UNC5CL: variants seen among roughly 807,000 people sequenced by gnomAD.
UNC5CL encodes the protein unc-5 family C-terminal like.
A neutral mutation model predicts 54.1 loss-of-function variants in UNC5CL; 42 were observed. The ratio of observed to expected loss-of-function variants is 0.78; its 90% CI spans 0.61 to 1.00. The LOEUF (loss-of-function observed/expected upper bound fraction) is 1.00, where lower values mean the gene tolerates loss of function less well. Ranked by LOEUF, UNC5CL falls within the 50% of genes least tolerant of loss-of-function variation. UNC5CL has a pLI of 0.00. For synonymous variants in UNC5CL, 285 were observed against 285.1 expected (o/e 1.00, Z 0.00); for missense variants, 619 against 675.6 (o/e 0.92, Z 0.93).
intron 2 of UNC5CL, 53 bp from the exon 3 acceptor site, chr6:41,034,234 C>T: frequency 6.5e-7 from 1 of 1,539,580 alleles, no homozygotes; most frequent in Non-Finnish European, 8.7e-7. Flanking sequence ...CACACCCCTG[C>T]CCCTGAAAGA....
rs768322013 is a variant in UNC5CL at position 41,034,733 on chromosome 6, G to C, written c.342C>G (p.Cys114Trp). 6.2e-7 allele frequency: 1 copy of C among 1,607,980 alleles called. No individual in the cohort carries two copies. The change falls in exon 2 of 9, where the codon TGC becomes TGG. Residue 114 changes from cysteine (C) to tryptophan (W), a missense_variant. By Grantham distance (215) the Cys-to-Trp change is radical. Transcript: ENST00000244565. The stretch of plus-strand genomic sequence containing the variant: ...AGATGCCTGTATCCTGGAGCATCAG[G>C]CAACCGCCGCGGTGATCCACCTCTC... ...SAREVDHRGG[C>W]LMLQDTGISL...
rs1762409911 is a variant in UNC5CL, at chr6:41,028,206, C to G, written c.*167G>C. The G allele has an allele frequency of 4.1e-6, 3 of 727,762 alleles. No individual in the cohort carries two copies. Among genetic ancestry groups the G allele is most frequent in the Non-Finnish European group, 6.5e-6 (3 of 465,034 alleles). The allele number at this position is 727,762 out of a possible 1,614,324, so 45.1% of individuals were successfully genotyped here. A position where few individuals can be genotyped will look rare whatever the true frequency, so the allele number is the denominator to read the frequency against. On this transcript the variant is annotated 3_prime_UTR_variant, in exon 9 of 9. Transcript: ENST00000244565. This position sits in a 1 kb window ranked among gnomAD's most constrained non-coding sequence, Gnocchi z 4.3. ...GCGGGACAGCTCGCGGCCGGAAGGG[C>G]GCGCCTGCTGCTGGGAGGCTGGCGA...
At position 41,030,642 on chromosome 6, in the gene UNC5CL, A is replaced by AC; in HGVS notation, c.1220+12dup. 1.2e-6 allele frequency: 2 copies of AC among 1,613,694 alleles called. No individual in the cohort carries two copies. The highest frequency in any genetic ancestry group is 1.1e-5 in the South Asian group (1 of 91,066). On this transcript the variant is annotated intron_variant, in intron 7 of 8. Transcript: ENST00000244565. The stretch of plus-strand genomic sequence containing the variant: ...CATCCCCCAGGCAGCAGCCCAAGCA[A>AC]CCCCCGTCTCACCTATTGCATGGGG...
chr6:41,035,946 C>G (rs1279974532), intron 1 of UNC5CL, among the ~76,000 whole-genome samples: 1 of 151,914 alleles, frequency 6.6e-6, no homozygotes, highest in East Asian at 1.9e-4. Context: ...AGTGCTGATA[C>G]AAAAAAATCT....
At chr6:41,030,310 C>T in intron 8 of UNC5CL, 78 bp downstream of exon 8, 3 of 1,365,486 alleles carry the variant, frequency 2.2e-6, no homozygotes, top group Non-Finnish European at 3.1e-6. Context: ...GCCTGTGATC[C>T]AGTCTCCAGA....
At chr6:41,032,806 T>C (rs1405447863) in intron 4 of UNC5CL, 78 bp downstream of exon 4, 10 of 1,455,118 alleles carry the variant, frequency 6.9e-6, no homozygotes, top group Non-Finnish European at 9.1e-6. Flanking sequence ...GATCTCCAGA[T>C]GTCCAGGGGA....
At chr6:41,036,749 CAA>C (rs112162551) in intron 1 of UNC5CL, among the ~76,000 whole-genome samples, 46 of 92,616 alleles carry the variant, frequency 5.0e-4, no homozygotes, top group Non-Finnish European at 4.7e-4. Context: ...AAAGTGGAAG[CAA>C]AAAAAAAAAA....
At chr6:41,035,986 T>G (rs571176335) in intron 1 of UNC5CL, among the ~76,000 whole-genome samples, 1 of 152,280 alleles carries the variant, frequency 6.6e-6, no homozygotes, top group South Asian at 2.1e-4. Flanking sequence ...CGCAGAGAGA[T>G]AAAATATTCT....
chr6:41,034,785 A>G lies in UNC5CL; in HGVS notation c.290T>C (p.Met97Thr). 1 of 1,614,178 alleles carries G rather than the reference A, an allele frequency of 6.2e-7. No homozygotes were observed. The highest frequency in any genetic ancestry group is 8.5e-7 in the Non-Finnish European group (1 of 1,180,036). ...AGCCGAAAACACCAACAGTTTGTGC[A>G]TCAACTGGCGGACCATGGTCTGGCC... ...TQGQTMVRQL[M>T]HKLLVFSARE... Residue 97 changes from methionine to threonine, a missense_variant, in exon 2 of 9, where the codon ATG becomes ACG. Met to Thr is a moderately conservative substitution (Grantham distance 81). Coordinates refer to ENST00000244565, the MANE Select transcript of UNC5CL (RefSeq NM_173561.3).
rs1181340995 is a variant in UNC5CL, at chr6:41,034,194, G to A, written c.386-13C>T. The A allele has an allele frequency of 1.3e-6, 2 of 1,593,244 alleles. No homozygotes were observed. The highest frequency in any genetic ancestry group is 1.7e-6 in the Non-Finnish European group (2 of 1,169,274). The stretch of plus-strand genomic sequence containing the variant: ...ACAGCCACAGCACCTGGCAGGGAGA[G>A]GGAGAGCTGAGATGGGCCTGGTAGG... On this transcript the variant is annotated splice_polypyrimidine_tract_variant and intron_variant, in intron 2 of 8. Coordinates refer to ENST00000244565, the MANE Select transcript of UNC5CL (RefSeq NM_173561.3).
chr6:41,035,817 C>T (rs893515544), intron 1 of UNC5CL, among the ~76,000 whole-genome samples: 5 of 152,098 alleles, frequency 3.3e-5, no homozygotes, highest in Middle Eastern at 3.2e-3. Context: ...GCTTTTGGTG[C>T]CTTTTCCCTG....
Position 41,028,188 on chromosome 6 carries a change from A to T in UNC5CL, c.*185T>A, listed in dbSNP as rs1476623656. 3 of 634,560 alleles carry T rather than the reference A, an allele frequency of 4.7e-6. No individual in the cohort carries two copies. The highest frequency in any genetic ancestry group is 7.9e-6 in the Non-Finnish European group (3 of 379,862). The allele number at this position is 634,560 out of a possible 1,614,324, so 39.3% of individuals were successfully genotyped here. A position where few individuals can be genotyped will look rare whatever the true frequency, so the allele number is the denominator to read the frequency against. On this transcript the variant is annotated 3_prime_UTR_variant, in exon 9 of 9. Transcript: ENST00000244565. This position sits in a 1 kb window ranked among gnomAD's most constrained non-coding sequence, Gnocchi z 4.3. ...CCAGGAGGGGACCCGCACGCGGGAC[A>T]GCTCGCGGCCGGAAGGGCGCGCCTG...
At chr6:41,037,914 A>C (rs1001197670) in intron 1 of UNC5CL, among the ~76,000 whole-genome samples, 1 of 152,216 alleles carries the variant, frequency 6.6e-6, no homozygotes, top group African/African-American at 2.4e-5. Context: ...CACTGTGTTA[A>C]AGCACTCTCC....
chr6:41,035,828 TTTC>T (rs1269214023), intron 1 of UNC5CL, among the ~76,000 whole-genome samples: 2 of 152,158 alleles, frequency 1.3e-5, no homozygotes, highest in African/African-American at 4.8e-5. Context: ...CTTTTCCCTG[TTTC>T]AGCCAGTTTT....
chr6:41,035,519 C>A (rs1762513671), intron 1 of UNC5CL, among the ~76,000 whole-genome samples: 1 of 152,224 alleles, frequency 6.6e-6, no homozygotes, highest in Admixed American at 6.5e-5. Flanking sequence ...TGGTGTCAGA[C>A]AGCAACTTTC....
In UNC5CL at chr6:41,032,933, G is replaced by GT. The variant is rs1561829960; in HGVS notation, c.899_900insA (p.Phe300LeufsTer5). On this transcript the variant is annotated frameshift_variant, in exon 4 of 9. Transcript: ENST00000244565. LOFTEE classifies it high-confidence loss of function. ...GGCACTGGTCGCCCCTAGCCCCATTGAAGTCGAAGAGCTGGCAGGGCCCAC... is the reference window on the plus strand; with the variant it reads ...GGCACTGGTCGCCCCTAGCCCCATTGTAAGTCGAAGAGCTGGCAGGGCCCAC... The GT allele has an allele frequency of 6.2e-7, 1 of 1,605,674 alleles. No individual in the cohort carries two copies. Among genetic ancestry groups the GT allele is most frequent in the South Asian group, 1.1e-5 (1 of 89,208 alleles).
In UNC5CL at chr6:41,032,241, C is replaced by G. The variant is rs571775278; in HGVS notation, c.950-104G>C. On this transcript the variant is annotated intron_variant, in intron 4 of 8. Coordinates refer to ENST00000244565, the MANE Select transcript of UNC5CL (RefSeq NM_173561.3). ...GAGGACAGAACAAAGGCAGGAGGGTCTCAAGGGAATGGGAATCCCCAGAGC... is the reference window on the plus strand; with the variant it reads ...GAGGACAGAACAAAGGCAGGAGGGTGTCAAGGGAATGGGAATCCCCAGAGC... The G allele has an allele frequency of 7.5e-6, 7 of 934,328 alleles. No homozygotes were observed. The African/African-American group carries it at 9.7e-5, about 13-fold the overall frequency. The allele number at this position is 934,328 out of a possible 1,614,324, so 57.9% of individuals were successfully genotyped here.
Position 41,030,455 on chromosome 6 carries a change from T to G in UNC5CL, c.1267A>C (p.Asn423His). 6.2e-7 allele frequency: 1 copy of G among 1,614,200 alleles called. No homozygotes were observed. The highest frequency in any genetic ancestry group is 8.5e-7 in the Non-Finnish European group (1 of 1,180,026). The change falls in exon 8 of 9, where the codon AAC (asparagine) becomes CAC (histidine). Residue 423 changes from asparagine to histidine, a missense_variant. By Grantham distance (68) the Asn-to-His change is moderately conservative (BLOSUM62 1). Coordinates refer to ENST00000244565, the MANE Select transcript of UNC5CL (RefSeq NM_173561.3). ...FEQLRMLLEP[N>H]SITGNDWRRL... ...CGCCAGTCATTGCCGGTGATGCTGT[T>G]TGGCTCCAATAACATCCGCAGCTGC... is the stretch of plus-strand genomic sequence containing the variant.
At chr6:41,034,317 T>A in intron 2 of UNC5CL, 136 bp from the exon 3 acceptor site, 1 of 1,052,430 alleles carries the variant, frequency 9.5e-7, no homozygotes, top group Non-Finnish European at 1.3e-6. Flanking sequence ...AGGGAAGTGG[T>A]ATGAACAAGA....
Sources: allele counts gnomAD v4.1 joint callset (sites outside exome capture counted in the v4.1 genomes callset), GRCh38; gene constraint gnomAD v4.1.1; non-coding constraint Gnocchi (gnomAD v3.1); transcripts MANE v1.5; gene names NCBI Gene and HGNC (gene_info 2026-07-23, HGNC 2026-07-21).